GAPVD1: variants seen among roughly 807,000 people sequenced by gnomAD.
The protein encoded by GAPVD1 is GTPase activating protein and VPS9 domains 1.
Under a neutral mutation model 155.5 loss-of-function variants are expected in GAPVD1, and 35 were observed. That is an observed-to-expected ratio of 0.23 (90% CI 0.17 to 0.30). GAPVD1 has a LOEUF of 0.30. Among genes scored for constraint, GAPVD1 ranks in the 10% least tolerant of loss-of-function variants. The probability of loss-of-function intolerance (pLI) is 1.00; values close to 1 mark genes in which losing one functional copy is unlikely to be tolerated. For synonymous variants in GAPVD1, 636 were observed against 619.7 expected, an observed-to-expected ratio of 1.03 and a Z score of -0.39; for missense variants, 1,429 against 1,775.7, an observed-to-expected ratio of 0.80 and a Z score of 3.51.
chr9:125,349,350 G>A (rs1848979614), intron 20 of GAPVD1, 40 bp from the exon 21 acceptor site: 4 of 1,586,448 alleles, frequency 2.5e-6, no homozygotes, highest in Non-Finnish European at 3.5e-6. Flanking sequence ...TATTCCAAAT[G>A]AACCTGGGTA....
intron 19 of GAPVD1, chr9:125,346,317 T>C (rs1048213987): frequency 5.0e-6 from 1 of 199,312 alleles, no homozygotes; most frequent in Non-Finnish European, 1.0e-5. Flanking sequence ...AGAATATGAA[T>C]ATTGTTAGTT....
chr9:125,327,487 A>G (rs976886359), intron 12 of GAPVD1, among the ~76,000 whole-genome samples: 4 of 151,952 alleles, frequency 2.6e-5, no homozygotes, highest in Non-Finnish European at 5.9e-5. Flanking sequence ...CATAGTAACC[A>G]ATAGGTTTTT....
chr9:125,262,025 C>T (rs1328796652), intron 1 of GAPVD1, 66 bp downstream of exon 1: 1 of 152,568 alleles, frequency 6.6e-6, no homozygotes, highest in Non-Finnish European at 1.5e-5. Context: ...CCGGGTTGCT[C>T]CGGCCTAGGG....
At chr9:125,264,906 C>G (rs532364020) in intron 1 of GAPVD1, among the ~76,000 whole-genome samples, 1 of 151,870 alleles carries the variant, frequency 6.6e-6, no homozygotes, top group Non-Finnish European at 1.5e-5. Context: ...TTAGTAGAAA[C>G]GGGGTTTCAC....
rs372834418 is a variant in GAPVD1, at chr9:125,336,578, G to A, written c.2429-440G>A. 1.2e-4 allele frequency: 19 copies of A among 158,918 alleles called. 1 individual carries two copies. The South Asian group carries it at 3.0e-3, about 25-fold the overall frequency. The allele number at this position is 158,918 out of a possible 1,614,324, so 9.8% of individuals were successfully genotyped here. On this transcript the variant is annotated intron_variant, in intron 15 of 27. Transcript: ENST00000297933. ...GCCCAGACTGGTCTTGAACTCCTGG[G>A]CTCAAGCGGTCCTCCCTCCTTGGCC...
rs1844752721 is a variant in GAPVD1 at position 125,323,841 on chromosome 9, A to T, written c.1776A>T (p.Glu592Asp). The T allele has an allele frequency of 6.2e-7, 1 of 1,613,118 alleles. No individual in the cohort carries two copies. The highest frequency in any genetic ancestry group is 8.5e-7 in the Non-Finnish European group (1 of 1,179,060). The change falls in exon 11 of 28, where the codon GAA becomes GAT. Residue 592 changes from glutamate to aspartate, a missense_variant. Glu to Asp is a conservative substitution (Grantham distance 45, BLOSUM62 2). Transcript: ENST00000297933. The stretch of plus-strand genomic sequence containing the variant: ...ATTCAGTGTCCTCCCTAGACCTAGA[A>T]GGAGAGTCTGTGTCAGAACTTGGAG... ...RSNSVSSLDL[E>D]GESVSELGAG...
chr9:125,266,517 G>A (rs2131667787), intron 1 of GAPVD1, among the ~76,000 whole-genome samples: 1 of 152,094 alleles, frequency 6.6e-6, no homozygotes, highest in African/African-American at 2.4e-5. Flanking sequence ...GTTTCACCAT[G>A]TTATCCAGGA....
intron 23 of GAPVD1, 152 bp from the exon 24 acceptor site, chr9:125,354,502 T>A: frequency 1.9e-6 from 1 of 527,646 alleles, no homozygotes; most frequent in South Asian, 3.2e-5. Flanking sequence ...ACATGCTACT[T>A]TGTATATGTG....
At chr9:125,308,170 G>A (rs1842137830) in intron 8 of GAPVD1, 1 of 506,754 alleles carries the variant, frequency 2.0e-6, no homozygotes, top group East Asian at 3.2e-5. Context: ...AATGTTATAA[G>A]TAGTCATCTT....
chr9:125,340,221 T>A (rs483095), intron 17 of GAPVD1, among the ~76,000 whole-genome samples: 147,344 of 152,324 alleles, frequency 0.97, 71,324 homozygotes, highest in East Asian at 1. Context: ...AGGTTTCACC[T>A]TGTTGGCCGG....
At chr9:125,299,549 G>A (rs1419697277) in intron 4 of GAPVD1, among the ~76,000 whole-genome samples, 1 of 151,790 alleles carries the variant, frequency 6.6e-6, no homozygotes, top group African/African-American at 2.4e-5. Flanking sequence ...CCAGCTACTC[G>A]GGAGGCTGAG....
chr9:125,297,429 AAGG>A (rs1216391203), intron 3 of GAPVD1, among the ~76,000 whole-genome samples: 1 of 152,132 alleles, frequency 6.6e-6, no homozygotes, highest in Non-Finnish European at 1.5e-5. Context: ...TCTATTTTAG[AAGG>A]AGTTGTCTGA....
chr9:125,313,226 T>C (rs1486162652), intron 9 of GAPVD1, among the ~76,000 whole-genome samples: 1 of 152,022 alleles, frequency 6.6e-6, no homozygotes, highest in African/African-American at 2.4e-5. Context: ...ACCTTGGGGG[T>C]TAGAATTTCA....
Position 125,341,186 on chromosome 9 carries a change from C to A in GAPVD1, c.2887C>A (p.Arg963Ser). ...KDSSRGETEE[R>S]KDSDDEKSDR... ...CCAACTTTTTCTACAGACTGAAGAA[C>A]GCAAAGATAGCGATGATGAGAAATC... The change falls in exon 18 of 28, where the codon CGC (arginine) becomes AGC (serine). Residue 963 changes from arginine to serine, a missense_variant. Coordinates refer to ENST00000297933, the MANE Select transcript of GAPVD1 (RefSeq NM_001282680.3). 1.3e-6 allele frequency: 2 copies of A among 1,589,070 alleles called. No individual in the cohort carries two copies. The highest frequency in any genetic ancestry group is 1.7e-6 in the Non-Finnish European group (2 of 1,157,034).
chr9:125,284,342 C>G (rs902387494), intron 2 of GAPVD1, among the ~76,000 whole-genome samples: 5 of 151,400 alleles, frequency 3.3e-5, no homozygotes, highest in African/African-American at 1.2e-4. Context: ...CCATGCCCAG[C>G]TAATTTTTTG....
chr9:125,296,653 C>CTT (rs34723392), intron 3 of GAPVD1, among the ~76,000 whole-genome samples: 2,554 of 125,306 alleles, frequency 0.02, 139 homozygotes, highest in East Asian at 0.085. Flanking sequence ...TGTGCCTGGC[C>CTT]TTTTTTTTTT....
intron 19 of GAPVD1, 73 bp downstream of exon 19, chr9:125,342,372 C>A: frequency 2.3e-6 from 2 of 857,170 alleles, no homozygotes; most frequent in Non-Finnish European, 4.0e-6. Flanking sequence ...TTCTTGGGTG[C>A]CATAAGCGTT....
rs1851186455 is a variant in GAPVD1, at chr9:125,363,213, C to T, written c.*467C>T. The T allele has an allele frequency of 6.6e-6, 1 of 152,062 alleles. No individual in the cohort carries two copies. Among genetic ancestry groups the T allele is most frequent in the African/African-American group, 2.4e-5 (1 of 41,380 alleles). The allele number at this position is 152,062 out of a possible 1,614,324, so 9.4% of individuals were successfully genotyped here. On this transcript the variant is annotated 3_prime_UTR_variant, in exon 28 of 28. Transcript: ENST00000297933. ...AATAGTGGTGCGTTAGTGGCATTAT[C>T]TATAAATACACTCACCTAAATTGAA...
chr9:125,332,144 A>T (rs995356831), intron 14 of GAPVD1, 84 bp downstream of exon 14: 1 of 1,278,104 alleles, frequency 7.8e-7, no homozygotes, highest in Non-Finnish European at 1.1e-6. Context: ...ATACAAAAAG[A>T]TATGTTATAT....
Sources: gnomAD v4.1 joint callset for allele counts (sites outside exome capture counted in the v4.1 genomes callset) on GRCh38, gnomAD v4.1.1 for gene constraint, MANE v1.5 for transcripts, NCBI Gene and HGNC (gene_info 2026-07-23, HGNC 2026-07-21) for gene names.